Variants in NTRK3 observed in about 807,000 individuals in gnomAD.
NTRK3 encodes the protein NT-3 growth factor receptor.
Under a neutral mutation model 91.7 loss-of-function variants are expected in NTRK3, and 24 were observed. The ratio of observed to expected loss-of-function variants is 0.26; its 90% confidence interval spans 0.19 to 0.37. NTRK3 has a LOEUF of 0.37. Among genes scored for constraint, NTRK3 ranks in the 10% least tolerant of loss-of-function variants. The probability of loss-of-function intolerance (pLI) is 1.00; values close to 1 mark genes in which losing one functional copy is unlikely to be tolerated. For synonymous variants in NTRK3, 483 were observed against 404.0 expected (o/e 1.20, Z -2.34); for missense variants, 880 against 1,068.9 (o/e 0.82, Z 2.46).
At chr15:88,136,446 G>T (rs2151207196) in intron 8 of NTRK3, 21 bp downstream of exon 8, 1 of 1,614,102 alleles carries the variant, frequency 6.2e-7, no homozygotes, top group Non-Finnish European at 8.5e-7. Flanking sequence ...TCCTGATGGG[G>T]CTGAAGCCCA....
intron 6 of NTRK3, among the ~76,000 whole-genome samples, chr15:88,141,226 G>A (rs936106729): frequency 5.9e-5 from 9 of 152,182 alleles, no homozygotes. Flanking sequence ...ATGAGACACA[G>A]AAAAGAGAAA....
chr15:88,244,649 A>G (rs1372465552), intron 3 of NTRK3, among the ~76,000 whole-genome samples: 1 of 152,186 alleles, frequency 6.6e-6, no homozygotes, highest in Non-Finnish European at 1.5e-5. Context: ...CCCTGCAGAA[A>G]TCATGGTCTA....
exon 16 of NTRK3, chr15:87,933,125 G>A (rs757138874): frequency 1.2e-6 from 2 of 1,614,138 alleles, no homozygotes; most frequent in Non-Finnish European, 8.5e-7. Flanking sequence ...GCAGGTTGGT[G>A]AGCAGCTCGG....
intron 3 of NTRK3, among the ~76,000 whole-genome samples, chr15:88,205,458 C>T (rs375303397): frequency 2.0e-5 from 3 of 152,174 alleles, no homozygotes; most frequent in African/African-American, 7.2e-5. Context: ...GCGATGCTTA[C>T]GTGAAATCAC....
chr15:88,174,039 A>T (rs932112836), intron 5 of NTRK3, among the ~76,000 whole-genome samples: 1 of 152,166 alleles, frequency 6.6e-6, no homozygotes, highest in Non-Finnish European at 1.5e-5. Flanking sequence ...TGTCCCTGGA[A>T]CTCACTGCAT....
At chr15:88,108,336 G>A (rs141171096) in intron 13 of NTRK3, among the ~76,000 whole-genome samples, 3 of 152,266 alleles carry the variant, frequency 2.0e-5, no homozygotes, top group South Asian at 4.2e-4. Context: ...CATAGTCTAC[G>A]CTGGGATCTT....
intron 13 of NTRK3, among the ~76,000 whole-genome samples, chr15:88,124,174 C>T (rs544805636): frequency 1.3e-5 from 2 of 152,320 alleles, no homozygotes; most frequent in Admixed American, 1.3e-4. Context: ...GTCTTAGATA[C>T]ACCATCTCAT....
chr15:88,036,045 C>T (rs555102618), intron 13 of NTRK3, among the ~76,000 whole-genome samples: 11 of 152,070 alleles, frequency 7.2e-5, no homozygotes, highest in African/African-American at 2.4e-4. Flanking sequence ...TAAAAGAAAT[C>T]CCAGAGAGAG....
exon 14 of NTRK3, chr15:88,032,858 C>G (rs375986311): frequency 1.1e-4 from 171 of 1,613,598 alleles, no homozygotes; most frequent in Non-Finnish European, 1.3e-4. Context: ...AGTACTTACA[C>G]GTGTCCGGCT....
chr15:88,174,684 G>A (rs1480832369), intron 5 of NTRK3, among the ~76,000 whole-genome samples: 3 of 152,220 alleles, frequency 2.0e-5, no homozygotes, highest in Non-Finnish European at 2.9e-5. Flanking sequence ...ATGGTAAGCT[G>A]CAGCCCTGTG....
Position 88,237,285 on chromosome 15 carries a change from A to G in NTRK3, c.248+18621T>C, listed in dbSNP as rs1025731088. On this transcript the variant is annotated intron_variant, in intron 3 of 18. Coordinates refer to ENST00000394480, the Ensembl canonical transcript of NTRK3. This position sits in a 1 kb window ranked among gnomAD's most constrained non-coding sequence, Gnocchi z 4.0. ...CTGTATGTTTGAGGATTTGCATAAT[A>G]AAATGATGGGATGGGAGGGATCCTA... Among the ~76,000 whole-genome samples the G allele has an allele frequency of 2.6e-5, 4 of 152,220 alleles. No homozygotes were observed. The highest frequency in any genetic ancestry group is 6.5e-5 in the Admixed American group (1 of 15,282).
At chr15:87,865,888 T>C (rs2141387180) in exon 19 of NTRK3, 2 of 229,798 alleles carry the variant, frequency 8.7e-6, no homozygotes, top group Non-Finnish European at 1.7e-5. Context: ...CAAAAAATGC[T>C]AATGGCAAAA....
At chr15:87,885,722 G>T in intron 17 of NTRK3, 1 of 1,371,160 alleles carries the variant, frequency 7.3e-7, no homozygotes, top group Non-Finnish European at 9.7e-7. Flanking sequence ...ATCATTTCCA[G>T]ATGGATTAAA....
intron 17 of NTRK3, 27 bp from the exon 19 acceptor site, chr15:87,880,455 C>T (rs1012286663): frequency 6.2e-7 from 1 of 1,611,838 alleles, no homozygotes. Context: ...TAGAGGCACA[C>T]AGAGTGACCA....
intron 14 of NTRK3, among the ~76,000 whole-genome samples, chr15:87,993,146 C>G (rs1328984775): frequency 6.6e-6 from 1 of 152,232 alleles, no homozygotes; most frequent in African/African-American, 2.4e-5. Context: ...GAACCAACAT[C>G]TTCAAGTCCC....
intron 14 of NTRK3, chr15:87,977,494 G>C (rs1208983263): frequency 4.5e-6 from 1 of 223,444 alleles, no homozygotes; most frequent in Non-Finnish European, 9.0e-6. Context: ...TGCTGGGATG[G>C]ATGGAGCCTG....
rs1491166187 is a variant in NTRK3, at chr15:88,033,176, T to TCATATATATATATATA, written c.1397-132_1397-131insTATATATATATATATG. The TCATATATATATATATA allele has an allele frequency of 1.3e-3, 262 of 196,008 alleles. 18 individuals carry two copies. The highest frequency in any genetic ancestry group is 1.8e-3 in the Non-Finnish European group (203 of 113,506). 12.1% of individuals were successfully genotyped at this position (196,008 alleles called of 1,614,324 possible). A position where few individuals can be genotyped will look rare whatever the true frequency, so the allele number is the denominator to read the frequency against. On this transcript the variant is annotated intron_variant, in intron 13 of 18. Coordinates refer to ENST00000394480, the Ensembl canonical transcript of NTRK3. ...CTTTTTTTTACTTTTGGGGGGTGTG[T>TCATATATATATATATA]TATATATATATATATATATATATAT...
intron 3 of NTRK3, among the ~76,000 whole-genome samples, chr15:88,236,142 C>T (rs1012032630): frequency 6.6e-6 from 1 of 152,128 alleles, no homozygotes; most frequent in Admixed American, 6.5e-5. Flanking sequence ...AAGGCTTGTA[C>T]AAGAATGTTC....
intron 14 of NTRK3, among the ~76,000 whole-genome samples, chr15:88,001,018 T>G (rs1467199484): frequency 1.3e-5 from 2 of 152,224 alleles, no homozygotes; most frequent in South Asian, 2.1e-4. Context: ...TACTTTTTAC[T>G]GTCCAACATT....
Sources: allele counts gnomAD v4.1 joint callset (sites outside exome capture counted in the v4.1 genomes callset), GRCh38; gene constraint gnomAD v4.1.1; non-coding constraint Gnocchi (gnomAD v3.1); transcripts MANE v1.5; gene names NCBI Gene and HGNC (gene_info 2026-07-23, HGNC 2026-07-21).